Variants in NFATC3 observed in about 807,000 individuals in gnomAD.
NFATC3 encodes the protein nuclear factor of activated T-cells, cytoplasmic 3.
NFATC3 carries 46 observed loss-of-function variants against 98.6 expected under a neutral mutation model. The ratio of observed to expected loss-of-function variants is 0.47; its 90% CI spans 0.37 to 0.60. The LOEUF (loss-of-function observed/expected upper bound fraction) is 0.60, where lower values mean the gene tolerates loss of function less well. Among genes scored for constraint, NFATC3 ranks in the 20% least tolerant of loss-of-function variants. The pLI, the probability that NFATC3 is intolerant of heterozygous loss-of-function variation, is 0.00. For synonymous variants in NFATC3, 512 were observed against 472.2 expected, an observed-to-expected ratio of 1.08 and a Z score of -1.09; for missense variants, 1,256 against 1,295.5, an observed-to-expected ratio of 0.97 and a Z score of 0.47.
chr16:68,112,632 A>ATTT (rs55642862), intron 1 of NFATC3, among the ~76,000 whole-genome samples: 33,416 of 100,600 alleles, frequency 0.33, 5,841 homozygotes, highest in African/African-American at 0.55. Context: ...ATTTCTTTTC[A>ATTT]TTTTTTCTTT....
At chr16:68,112,512 G>C (rs1458235223) in intron 1 of NFATC3, among the ~76,000 whole-genome samples, 1 of 151,528 alleles carries the variant, frequency 6.6e-6, no homozygotes, top group Non-Finnish European at 1.5e-5. Flanking sequence ...TCCTGGTCTC[G>C]TGATCCACCC....
At chr16:68,208,441 C>T (rs1003750505) in intron 9 of NFATC3, among the ~76,000 whole-genome samples, 2 of 152,038 alleles carry the variant, frequency 1.3e-5, no homozygotes, top group African/African-American at 2.4e-5. Context: ...TTGGGCACAG[C>T]GGCTCACACT....
intron 8 of NFATC3, among the ~76,000 whole-genome samples, chr16:68,186,011 G>A (rs2040185116): frequency 6.6e-6 from 1 of 152,104 alleles, no homozygotes; most frequent in Non-Finnish European, 1.5e-5. Context: ...AGAAAACATT[G>A]GGTTGCACTG....
intron 9 of NFATC3, among the ~76,000 whole-genome samples, chr16:68,213,878 T>G (rs2041524016): frequency 6.6e-6 from 1 of 152,226 alleles, no homozygotes; most frequent in East Asian, 1.9e-4. Flanking sequence ...CATATAGTTT[T>G]CTGGGCTGCT....
chr16:68,217,854 G>C (rs888353253), intron 9 of NFATC3: 1 of 1,228,662 alleles, frequency 8.1e-7, no homozygotes, highest in East Asian at 3.2e-5. Flanking sequence ...TGAAGAAAAC[G>C]AATTGCATGG....
intron 1 of NFATC3, among the ~76,000 whole-genome samples, chr16:68,090,322 A>AACACAC (rs60304758): frequency 1.0e-4 from 13 of 125,882 alleles, no homozygotes; most frequent in African/African-American, 3.0e-4. Flanking sequence ...TTTCTTTAAA[A>AACACAC]ACACACACAC....
intron 4 of NFATC3, among the ~76,000 whole-genome samples, chr16:68,163,304 G>C (rs888137938): frequency 2.6e-5 from 4 of 151,816 alleles, no homozygotes; most frequent in Non-Finnish European, 4.4e-5. Flanking sequence ...TCACTTCCCA[G>C]TAGGGGCGGC....
At chr16:68,208,002 G>T (rs564176293) in intron 9 of NFATC3, among the ~76,000 whole-genome samples, 1 of 152,056 alleles carries the variant, frequency 6.6e-6, no homozygotes, top group South Asian at 2.1e-4. Flanking sequence ...TTGTCCATTT[G>T]TATATTTTCT....
intron 1 of NFATC3, 27 bp from the exon 2 acceptor site, chr16:68,121,960 T>G (rs1773386975): frequency 2.3e-6 from 3 of 1,316,340 alleles, no homozygotes; most frequent in Non-Finnish European, 2.0e-6. Flanking sequence ...TTGTTGGGTT[T>G]TTTTTTTTTT....
chr16:68,103,445 A>G (rs1442235009), intron 1 of NFATC3, among the ~76,000 whole-genome samples: 2 of 152,276 alleles, frequency 1.3e-5, no homozygotes, highest in East Asian at 3.9e-4. Flanking sequence ...CCTGGGCTCA[A>G]GTCATCTGCC....
chr16:68,133,017 G>C (rs2037196032), intron 3 of NFATC3, among the ~76,000 whole-genome samples: 1 of 152,212 alleles, frequency 6.6e-6, no homozygotes, highest in African/African-American at 2.4e-5. Flanking sequence ...TGTAATCCCA[G>C]CACTTTGGGA....
intron 9 of NFATC3, among the ~76,000 whole-genome samples, chr16:68,205,058 G>C (rs1290025413): frequency 6.6e-6 from 1 of 150,830 alleles, no homozygotes; most frequent in Non-Finnish European, 1.5e-5. Flanking sequence ...CTGGGCAAGA[G>C]ACAACATGTG....
Position 68,122,724 on chromosome 16 carries a change from G to T in NFATC3, c.841G>T (p.Val281Phe). Residue 281 changes from valine (V) to phenylalanine (F), a missense_variant, in exon 2 of 10, where the codon GTT becomes TTT. Val to Phe is a conservative substitution (Grantham distance 50, BLOSUM62 -1). Around this residue, in one of 3 missense-constraint regions of NFATC3, gnomAD observed 464 missense variants for 465.7 expected, o/e 1.00. Coordinates refer to ENST00000346183, the MANE Select transcript of NFATC3 (RefSeq NM_173165.3). The stretch of plus-strand genomic sequence containing the variant: ...GAAACGGAGGCACTCCAGTGCTGAA[G>T]TTTGTTATGCTGGGTCCCTTTCACC... ...CGKRRHSSAE[V>F]CYAGSLSPHH... 6.2e-7 allele frequency: 1 copy of T among 1,614,228 alleles called. No individual in the cohort carries two copies. Among genetic ancestry groups the T allele is most frequent in the Non-Finnish European group, 8.5e-7 (1 of 1,180,034 alleles).
intron 3 of NFATC3, among the ~76,000 whole-genome samples, chr16:68,135,405 C>T (rs924938904): frequency 5.8e-5 from 8 of 136,956 alleles, no homozygotes; most frequent in African/African-American, 2.0e-4. Flanking sequence ...TTGCAGTGAG[C>T]TGAGATTGCG....
chr16:68,185,736 G>A (rs1444164900), intron 8 of NFATC3, among the ~76,000 whole-genome samples: 1 of 151,948 alleles, frequency 6.6e-6, no homozygotes, highest in Non-Finnish European at 1.5e-5. Flanking sequence ...TGTGGCAGGT[G>A]CCTGTAGTCC....
At chr16:68,137,935 T>A (rs182031992) in intron 3 of NFATC3, among the ~76,000 whole-genome samples, 1 of 150,984 alleles carries the variant, frequency 6.6e-6, no homozygotes, top group Admixed American at 6.6e-5. Context: ...TTTCATTTTC[T>A]AAAACACTTT....
chr16:68,119,016 T>A (rs2036437788), intron 1 of NFATC3, among the ~76,000 whole-genome samples: 1 of 152,064 alleles, frequency 6.6e-6, no homozygotes, highest in Admixed American at 6.6e-5. Context: ...CACAGGCGCC[T>A]GCCACCACGC....
intron 3 of NFATC3, among the ~76,000 whole-genome samples, chr16:68,148,757 T>TAGC (rs1319342325): frequency 6.6e-6 from 1 of 152,132 alleles, no homozygotes; most frequent in Non-Finnish European, 1.5e-5. Context: ...CCTGTAATCC[T>TAGC]AGCACCTTAG....
At chr16:68,177,077 C>G (rs1263675969) in intron 6 of NFATC3, among the ~76,000 whole-genome samples, 1 of 132,354 alleles carries the variant, frequency 7.6e-6, no homozygotes, top group Non-Finnish European at 1.6e-5. Context: ...GAGTTTCGCT[C>G]TTGTTTCCCA....
Sources: allele counts gnomAD v4.1 joint callset (sites outside exome capture counted in the v4.1 genomes callset), GRCh38; gene constraint gnomAD v4.1.1; regional missense constraint gnomAD v4.1.1; transcripts MANE v1.5; gene names NCBI Gene and HGNC (gene_info 2026-07-23, HGNC 2026-07-21).